The following ZFAT variants were observed in gnomAD, a reference collection of about 807,000 sequenced individuals.
ZFAT encodes zinc finger and AT-hook domain containing.
A neutral mutation model predicts 117.7 loss-of-function variants in ZFAT; 64 were observed. That is an observed-to-expected ratio of 0.54 (90% confidence interval 0.44 to 0.67). ZFAT has a LOEUF of 0.67. Among genes scored for constraint, ZFAT ranks in the 30% least tolerant of loss-of-function variants. ZFAT has a pLI of 0.00. For synonymous variants in ZFAT, 679 were observed against 615.0 expected (o/e 1.10, Z -1.54); for missense variants, 1,433 against 1,584.5 (o/e 0.90, Z 1.62).
At chr8:134,549,839 T>G (rs1219592591) in intron 11 of ZFAT, among the ~76,000 whole-genome samples, 2 of 151,984 alleles carry the variant, frequency 1.3e-5, no homozygotes, top group African/African-American at 4.8e-5. Context: ...CAGACCCCCG[T>G]GACCCACTGA....
chr8:134,565,202 G>A (rs777037829), intron 11 of ZFAT, 131 bp downstream of exon 11: 10 of 1,542,766 alleles, frequency 6.5e-6, no homozygotes, highest in Non-Finnish European at 8.7e-6. Context: ...GACTCCACGT[G>A]TACCAGCTAA....
intron 1 of ZFAT, among the ~76,000 whole-genome samples, chr8:134,680,216 C>G (rs374388408): frequency 2.7e-5 from 4 of 147,280 alleles, no homozygotes; most frequent in Non-Finnish European, 5.9e-5. Flanking sequence ...GAGCCATGAT[C>G]GCACCACTGT....
intron 1 of ZFAT, chr8:134,696,673 T>A (rs72721918): frequency 0.11 from 105,637 of 934,548 alleles, 6,476 homozygotes; most frequent in Non-Finnish European, 0.12. Context: ...CCACAGAGGC[T>A]CTGATTGGCC....
chr8:134,578,548 C>G (rs1372347873), intron 10 of ZFAT, among the ~76,000 whole-genome samples: 5 of 151,768 alleles, frequency 3.3e-5, no homozygotes, highest in Non-Finnish European at 5.9e-5. Context: ...CTCAGAGTGA[C>G]AGCAGATAGA....
At chr8:134,825,877 C>T in the ZFAT span, among the ~76,000 whole-genome samples, 4 of 151,958 alleles carry the variant, frequency 2.6e-5, no homozygotes, top group Non-Finnish European at 5.9e-5. Flanking sequence ...AAAAATTAGC[C>T]GGGCGTGGTG....
At chr8:134,531,358 G>A (rs928871543) in intron 12 of ZFAT, among the ~76,000 whole-genome samples, 8 of 152,224 alleles carry the variant, frequency 5.3e-5, no homozygotes, top group Non-Finnish European at 1.2e-4. Context: ...TACTGGGGCT[G>A]TAAGCCAATC....
the ZFAT span, among the ~76,000 whole-genome samples, chr8:134,818,381 T>A: frequency 2.0e-5 from 3 of 152,144 alleles, no homozygotes; most frequent in Non-Finnish European, 4.4e-5. Flanking sequence ...ATGCTAACCA[T>A]CAGCAGTCAT....
chr8:134,586,817 A>G (rs67469873), intron 9 of ZFAT, among the ~76,000 whole-genome samples: 33,164 of 152,126 alleles, frequency 0.22, 4,076 homozygotes, highest in East Asian at 0.53. Flanking sequence ...AGGGTTTTGG[A>G]ATCAGATGGC....
In ZFAT at chr8:134,602,171, T is replaced by C. The variant is rs1378109835; in HGVS notation, c.1548A>G (p.Leu516=). 4.3e-6 allele frequency: 7 copies of C among 1,613,328 alleles called. No homozygotes were observed. In the African/African-American group the frequency reaches 5.3e-5, roughly 12 times the overall value. Residue 516 remains leucine, a synonymous_variant, in exon 6 of 16, where the codon CTA becomes CTG. Coordinates refer to ENST00000377838, the MANE Select transcript of ZFAT (RefSeq NM_020863.4). ...DIQQEALGDQ[L]QLVEEEFALQ... is the part of the protein sequence containing the mutation. The stretch of plus-strand genomic sequence containing the variant: ...GGGCAAACTCCTCTTCCACCAGCTG[T>C]AGCTGGTCCCCCAGAGCTTCTTGCT...
At chr8:134,808,484 A>G in the ZFAT span, among the ~76,000 whole-genome samples, 2 of 152,246 alleles carry the variant, frequency 1.3e-5, no homozygotes, top group African/African-American at 4.8e-5. Flanking sequence ...CAGGCCCACT[A>G]TCTAGGAACA....
At chr8:134,817,276 G>T in the ZFAT span, among the ~76,000 whole-genome samples, 1 of 152,126 alleles carries the variant, frequency 6.6e-6, no homozygotes, top group Admixed American at 6.5e-5. Context: ...TCTCAAGACT[G>T]TAAGAGAAAT....
chr8:134,715,499 C>T (rs1814201594), upstream of ZFAT, among the ~76,000 whole-genome samples: 1 of 152,234 alleles, frequency 6.6e-6, no homozygotes, highest in African/African-American at 2.4e-5. Flanking sequence ...GATGAGTCCA[C>T]AGCTGGCTCT....
intron 10 of ZFAT, among the ~76,000 whole-genome samples, chr8:134,565,934 AG>A (rs1824427324): frequency 6.6e-6 from 1 of 151,820 alleles, no homozygotes; most frequent in Non-Finnish European, 1.5e-5. Context: ...CCATCTCACA[AG>A]GACCTCAGAC....
At chr8:134,630,361 C>T (rs190010377) in intron 3 of ZFAT, among the ~76,000 whole-genome samples, 1 of 152,218 alleles carries the variant, frequency 6.6e-6, no homozygotes, top group Non-Finnish European at 1.5e-5. Context: ...TTTTCACCTG[C>T]AAATTTTCAA....
chr8:134,716,251 G>A (rs1179632474), upstream of ZFAT, among the ~76,000 whole-genome samples: 3 of 151,938 alleles, frequency 2.0e-5, no homozygotes. Context: ...TCAGAGGTGG[G>A]AATAATCAGT....
chr8:134,661,980 C>T (rs1831955168), intron 1 of ZFAT, among the ~76,000 whole-genome samples: 1 of 152,204 alleles, frequency 6.6e-6, no homozygotes, highest in African/African-American at 2.4e-5. Context: ...TCCAAAGGCC[C>T]TGTCCCAGTC....
At chr8:134,808,706 C>T in the ZFAT span, among the ~76,000 whole-genome samples, 1 of 152,228 alleles carries the variant, frequency 6.6e-6, no homozygotes, top group East Asian at 1.9e-4. Context: ...ATCACCATGA[C>T]ATCTTATTTG....
At chr8:134,721,053 C>T in the ZFAT span, among the ~76,000 whole-genome samples, 10 of 152,182 alleles carry the variant, frequency 6.6e-5, no homozygotes, top group East Asian at 1.9e-4. Flanking sequence ...TCATCCATCC[C>T]GGCCTTTCTG....
At chr8:134,603,008 A>G (rs1765463627) in intron 5 of ZFAT, 75 bp from the exon 6 acceptor site, 1 of 1,529,168 alleles carries the variant, frequency 6.5e-7, no homozygotes, top group Non-Finnish European at 8.8e-7. Flanking sequence ...CTTTTCATGA[A>G]CCAAACACTA....
Sources: allele counts gnomAD v4.1 joint callset (sites outside exome capture counted in the v4.1 genomes callset), GRCh38; gene constraint gnomAD v4.1.1; transcripts MANE v1.5; gene names NCBI Gene and HGNC (gene_info 2026-07-23, HGNC 2026-07-21).